The following TUBGCP4 variants were observed in gnomAD, a reference collection of about 807,000 sequenced individuals.
The protein encoded by TUBGCP4 is gamma-tubulin complex component 4.
TUBGCP4 carries 54 observed loss-of-function variants against 91.6 expected under a neutral mutation model. The observed-to-expected ratio is 0.59, with a 90% CI of 0.47 to 0.74. The LOEUF is 0.74. Among genes scored for constraint, TUBGCP4 ranks in the 30% least tolerant of loss-of-function variants. The pLI is 0.00. For synonymous variants in TUBGCP4, 297 were observed against 302.8 expected (o/e 0.98, Z 0.20); for missense variants, 593 against 800.9 (o/e 0.74, Z 3.13).
chr15:43,399,280 G>A (rs967408999), intron 13 of TUBGCP4: 5 of 473,272 alleles, frequency 1.1e-5, no homozygotes, highest in African/African-American at 1.0e-4. Context: ...AGGGAGGCAG[G>A]AGCGGGAGTC....
intron 14 of TUBGCP4, among the ~76,000 whole-genome samples, chr15:43,401,065 G>T (rs145111272): frequency 6.6e-6 from 1 of 152,130 alleles, no homozygotes; most frequent in Non-Finnish European, 1.5e-5. Flanking sequence ...TTGTTGACTT[G>T]CCCCTTATTT....
chr15:43,408,149 T>G lies in TUBGCP4; in HGVS notation c.*2935T>G. On this transcript the variant is annotated 3_prime_UTR_variant, in exon 18 of 18. Transcript: ENST00000564079. ...AGTAATATCCAACAAACTGCCTTTCTGCAAAGGGACTCATGTACATCTGAA... is the reference window on the plus strand; with the variant it reads ...AGTAATATCCAACAAACTGCCTTTCGGCAAAGGGACTCATGTACATCTGAA... 6 of 1,538,920 alleles carry G rather than the reference T, an allele frequency of 3.9e-6. No individual in the cohort carries two copies. The highest frequency in any genetic ancestry group is 4.4e-6 in the Non-Finnish European group (5 of 1,126,210).
intron 9 of TUBGCP4, among the ~76,000 whole-genome samples, chr15:43,393,758 C>T (rs2044528542): frequency 6.6e-6 from 1 of 152,056 alleles, no homozygotes; most frequent in Non-Finnish European, 1.5e-5. Context: ...CATCCATGTC[C>T]CTACAAAGGA....
chr15:43,403,634 T>C (rs1262699530), intron 15 of TUBGCP4, 49 bp from the exon 16 acceptor site: 1 of 1,351,288 alleles, frequency 7.4e-7, no homozygotes, highest in Non-Finnish European at 1.1e-6. Flanking sequence ...TTTAACTTCA[T>C]GGATGTACCT....
chr15:43,371,172 C>A lies in TUBGCP4; in HGVS notation c.-183C>A. 1 of 642,262 alleles carries A rather than the reference C, an allele frequency of 1.6e-6. No homozygotes were observed. Among genetic ancestry groups the A allele is most frequent in the Non-Finnish European group, 2.7e-6 (1 of 364,958 alleles). The allele number at this position is 642,262 out of a possible 1,614,324, so 39.8% of individuals were successfully genotyped here. ...CTGCCGAACTTCCGGGACTCCCCCG[C>A]GACCCCTTCCCAGCTTCCCGTCCGC... On this transcript the variant is annotated 5_prime_UTR_variant, in exon 1 of 18. Transcript: ENST00000564079.
intron 1 of TUBGCP4, 76 bp from the exon 2 acceptor site, chr15:43,376,022 A>G: frequency 6.3e-7 from 1 of 1,582,488 alleles, no homozygotes; most frequent in African/African-American, 1.3e-5. Context: ...ATAAATGTGT[A>G]GTATGAAGCG....
chr15:43,372,526 A>C (rs903579757), intron 1 of TUBGCP4, among the ~76,000 whole-genome samples: 13 of 151,940 alleles, frequency 8.6e-5, no homozygotes, highest in Admixed American at 8.5e-4. Flanking sequence ...AGATCTTAGT[A>C]CAATGCCAGG....
In TUBGCP4 at chr15:43,408,376, G is replaced by C. The variant is rs980065602; in HGVS notation, c.*3162G>C. Reference sequence around the variant, plus strand: ...AGTGCCTGTAGTCCCAGCAGCTTGGGAGGCTGAGGTAGGGGGATCACTTCA... The same window carrying C: ...AGTGCCTGTAGTCCCAGCAGCTTGGCAGGCTGAGGTAGGGGGATCACTTCA... On this transcript the variant is annotated 3_prime_UTR_variant, in exon 18 of 18. Transcript: ENST00000564079. 9 of 320,980 alleles carry C rather than the reference G, an allele frequency of 2.8e-5. No individual in the cohort carries two copies. Among genetic ancestry groups the C allele is most frequent in the Admixed American group, 9.2e-5 (2 of 21,772 alleles). The allele number at this position is 320,980 out of a possible 1,614,324, so 19.9% of individuals were successfully genotyped here. A position where few individuals can be genotyped will look rare whatever the true frequency, so the allele number is the denominator to read the frequency against.
chr15:43,405,033 A>G, intron 17 of TUBGCP4, 169 bp from the exon 18 acceptor site: 2 of 701,942 alleles, frequency 2.8e-6, no homozygotes, highest in East Asian at 5.5e-5. Flanking sequence ...TTCTCTCTAA[A>G]ATGTCTGCAA....
chr15:43,380,343 A>G (rs1179183537), intron 6 of TUBGCP4, among the ~76,000 whole-genome samples, 180 bp downstream of exon 6: 1 of 152,236 alleles, frequency 6.6e-6, no homozygotes, highest in Non-Finnish European at 1.5e-5. Context: ...AGGCCTTGCA[A>G]AAAGGGCTAT....
At chr15:43,404,637 T>G in intron 17 of TUBGCP4, 85 bp downstream of exon 17, 1 of 1,420,520 alleles carries the variant, frequency 7.0e-7, no homozygotes, top group Non-Finnish European at 9.7e-7. Context: ...GAAGAAGACT[T>G]TAGTCCAAAT....
intron 9 of TUBGCP4, chr15:43,394,795 G>T (rs1015594086): frequency 5.3e-6 from 2 of 375,484 alleles, no homozygotes; most frequent in East Asian, 6.0e-5. Flanking sequence ...CATGTGAGAC[G>T]CCTTTGCCTT....
rs2044912294 is a variant in TUBGCP4, at chr15:43,406,898, C to T, written c.*1684C>T. On this transcript the variant is annotated 3_prime_UTR_variant, in exon 18 of 18. Transcript: ENST00000564079. ...ACCCACAGGTGAGCTGTGATCTCAG[C>T]TCAGAGAGAGAGCATGAGGTCTTTT... 3.8e-6 allele frequency: 1 copy of T among 261,318 alleles called. No individual in the cohort carries two copies. The highest frequency in any genetic ancestry group is 2.3e-5 in the African/African-American group (1 of 44,372). The allele number at this position is 261,318 out of a possible 1,614,324, so 16.2% of individuals were successfully genotyped here.
intron 16 of TUBGCP4, 80 bp from the exon 17 acceptor site, chr15:43,404,333 A>C: frequency 4.5e-6 from 7 of 1,547,104 alleles, no homozygotes; most frequent in South Asian, 2.4e-5. Flanking sequence ...TTTCCAAGAA[A>C]CTCCTCCCTC....
chr15:43,405,561 A>T lies in TUBGCP4; in HGVS notation c.*347A>T. 3.8e-6 allele frequency: 1 copy of T among 264,822 alleles called. No individual in the cohort carries two copies. The highest frequency in any genetic ancestry group is 7.2e-6 in the Non-Finnish European group (1 of 139,752). 16.4% of individuals were successfully genotyped at this position (264,822 alleles called of 1,614,324 possible). On this transcript the variant is annotated 3_prime_UTR_variant, in exon 18 of 18. Coordinates refer to ENST00000564079, the MANE Select transcript of TUBGCP4 (RefSeq NM_014444.5). ...AGATACAGCGGTAAACAAACAATAT[A>T]GAGCAGAAAGTTAAATATTTTATGG... is the stretch of plus-strand genomic sequence containing the variant.
At chr15:43,404,321 C>T in intron 16 of TUBGCP4, 92 bp from the exon 17 acceptor site, 2 of 1,506,938 alleles carry the variant, frequency 1.3e-6, no homozygotes, top group Non-Finnish European at 1.8e-6. Flanking sequence ...TTGAACAAGG[C>T]TTTTCCAAGA....
intron 1 of TUBGCP4, among the ~76,000 whole-genome samples, chr15:43,374,977 G>A (rs1389931759): frequency 1.3e-5 from 2 of 152,186 alleles, no homozygotes; most frequent in Non-Finnish European, 2.9e-5. Flanking sequence ...ATCTCAGCTC[G>A]CTGCAACCGC....
intron 5 of TUBGCP4, 36 bp from the exon 6 acceptor site, chr15:43,380,048 A>G: frequency 1.9e-6 from 3 of 1,599,908 alleles, no homozygotes; most frequent in Non-Finnish European, 2.6e-6. Flanking sequence ...GACTCTTAGA[A>G]TGGAATCCAG....
At chr15:43,385,545 G>A (rs2044342782) in intron 7 of TUBGCP4, 1 of 526,756 alleles carries the variant, frequency 1.9e-6, no homozygotes, top group South Asian at 1.9e-5. Flanking sequence ...TTTTTACTCA[G>A]TAGTAAAGGC....
Sources: allele counts gnomAD v4.1 joint callset (sites outside exome capture counted in the v4.1 genomes callset), GRCh38; gene constraint gnomAD v4.1.1; transcripts MANE v1.5; gene names NCBI Gene and HGNC (gene_info 2026-07-23, HGNC 2026-07-21).